The following GRIK4 variants were observed in gnomAD, a reference collection of about 807,000 sequenced individuals.
GRIK4 encodes glutamate ionotropic receptor kainate type subunit 4, also known as glutamate receptor ionotropic, kainate 4.
GRIK4 carries 40 observed loss-of-function variants against 104.9 expected under a neutral mutation model. That is an observed-to-expected ratio of 0.38 (90% CI 0.30 to 0.50). The LOEUF is 0.50. Ranked by LOEUF, GRIK4 falls within the 20% of genes least tolerant of loss-of-function variation. The probability of loss-of-function intolerance (pLI) is 0.93; values close to 1 mark genes in which losing one functional copy is unlikely to be tolerated. For synonymous variants in GRIK4, 485 were observed against 524.9 expected, an observed-to-expected ratio of 0.92 and a Z score of 1.04; for missense variants, 1,047 against 1,308.1, an observed-to-expected ratio of 0.80 and a Z score of 3.08.
rs1942802615 is a variant in GRIK4, at chr11:120,903,774, C to G, written c.1273-1516C>G. On this transcript the variant is annotated intron_variant, in intron 12 of 20. Coordinates refer to ENST00000527524, the MANE Select transcript of GRIK4 (RefSeq NM_014619.5). This position sits in a 1 kb window ranked among gnomAD's most constrained non-coding sequence, Gnocchi z 4.4. Reference sequence around the variant, plus strand: ...CCTGCCGCCTTGCCTCCCTTAGCTCCTAACCTGTCAAAATGCTGAACAGCC... The same window carrying G: ...CCTGCCGCCTTGCCTCCCTTAGCTCGTAACCTGTCAAAATGCTGAACAGCC... Among the ~76,000 whole-genome samples, 1 of 152,148 alleles carries G rather than the reference C, an allele frequency of 6.6e-6. No individual in the cohort carries two copies. Among genetic ancestry groups the G allele is most frequent in the Non-Finnish European group, 1.5e-5 (1 of 68,026 alleles).
chr11:120,552,245 T>C (rs1948147568), intron 1 of GRIK4, among the ~76,000 whole-genome samples: 1 of 152,172 alleles, frequency 6.6e-6, no homozygotes, highest in African/African-American at 2.4e-5. Flanking sequence ...GTGTTGGAGT[T>C]GAATTGGAGG....
chr11:120,661,017 G>T lies in GRIK4; in HGVS notation c.82+617G>T, dbSNP rs2135241659. ...TCAGCATCCCATCCCTGGAGGGGCG[G>T]GTCTGGGAAGTCAGGTGCCTCCTCC... On this transcript the variant is annotated intron_variant, in intron 3 of 20. Coordinates refer to ENST00000527524, the MANE Select transcript of GRIK4 (RefSeq NM_014619.5). Among the ~76,000 whole-genome samples the T allele has an allele frequency of 2.0e-5, 3 of 152,272 alleles. No individual in the cohort carries two copies. In the South Asian group the frequency reaches 6.2e-4, roughly 32 times the overall value.
At chr11:120,971,000 C>G (rs925222909) in intron 19 of GRIK4, among the ~76,000 whole-genome samples, 5 of 152,164 alleles carry the variant, frequency 3.3e-5, no homozygotes, top group African/African-American at 1.2e-4. Context: ...AATAGCATGG[C>G]CACCTCCCAG....
At chr11:120,918,574 G>A (rs187190294) in intron 13 of GRIK4, among the ~76,000 whole-genome samples, 5 of 152,276 alleles carry the variant, frequency 3.3e-5, no homozygotes, top group East Asian at 1.9e-4. Context: ...CTGGGATGGG[G>A]GGGTATCTAC....
intron 1 of GRIK4, among the ~76,000 whole-genome samples, chr11:120,584,769 C>T (rs559243864): frequency 3.9e-5 from 6 of 152,230 alleles, no homozygotes; most frequent in South Asian, 2.1e-4. Flanking sequence ...GTTGTTAACA[C>T]GAAATGATGT....
chr11:120,687,835 A>G (rs1950299038), intron 3 of GRIK4, among the ~76,000 whole-genome samples: 2 of 152,198 alleles, frequency 1.3e-5, no homozygotes, highest in South Asian at 4.1e-4. Context: ...CCTCCCCAGC[A>G]GGTCCTCAAT....
At chr11:120,809,040 T>C (rs1458499902) in intron 4 of GRIK4, among the ~76,000 whole-genome samples, 2 of 152,108 alleles carry the variant, frequency 1.3e-5, no homozygotes, top group African/African-American at 4.8e-5. Flanking sequence ...CAGTGGCACT[T>C]ACCATTAGCT....
chr11:120,705,859 A>C (rs1303392281), intron 3 of GRIK4, among the ~76,000 whole-genome samples: 2 of 152,152 alleles, frequency 1.3e-5, no homozygotes, highest in African/African-American at 4.8e-5. Flanking sequence ...CATTGATCTC[A>C]TATCCCGCAA....
chr11:120,660,006 A>G (rs1949784116), intron 2 of GRIK4, among the ~76,000 whole-genome samples: 1 of 152,236 alleles, frequency 6.6e-6, no homozygotes, highest in Admixed American at 6.5e-5. Flanking sequence ...TGCTGGGATT[A>G]CAGGCGTGAG....
intron 9 of GRIK4, among the ~76,000 whole-genome samples, chr11:120,865,590 C>T (rs1320536387): frequency 1.3e-5 from 2 of 152,206 alleles, no homozygotes; most frequent in East Asian, 3.8e-4. Flanking sequence ...AGTGGAAACG[C>T]AAAGACCTCT....
chr11:120,776,649 C>T (rs1952048704), intron 3 of GRIK4, among the ~76,000 whole-genome samples: 1 of 152,166 alleles, frequency 6.6e-6, no homozygotes, highest in Admixed American at 6.5e-5. Context: ...AGCTGCTTAG[C>T]GAGTGTTTCT....
chr11:120,924,575 C>T (rs1012692553), intron 13 of GRIK4, among the ~76,000 whole-genome samples: 4 of 152,090 alleles, frequency 2.6e-5, no homozygotes, highest in Non-Finnish European at 5.9e-5. Context: ...CCCCCTTGTC[C>T]CCACCCACCT....
At chr11:120,777,540 A>G (rs1952067258) in intron 3 of GRIK4, among the ~76,000 whole-genome samples, 1 of 152,224 alleles carries the variant, frequency 6.6e-6, no homozygotes, top group African/African-American at 2.4e-5. Context: ...GCAGTAAACA[A>G]AACAGACACA....
At chr11:120,843,838 G>C (rs1953785048) in intron 8 of GRIK4, among the ~76,000 whole-genome samples, 1 of 152,184 alleles carries the variant, frequency 6.6e-6, no homozygotes, top group South Asian at 2.1e-4. Context: ...GTTCCCTGGA[G>C]TGAGGGGAGA....
At chr11:120,645,156 T>G (rs1949526345) in intron 1 of GRIK4, among the ~76,000 whole-genome samples, 1 of 151,708 alleles carries the variant, frequency 6.6e-6, no homozygotes, top group South Asian at 2.1e-4. Context: ...TGTATGTGTA[T>G]GTATGGTGGT....
intron 3 of GRIK4, among the ~76,000 whole-genome samples, chr11:120,713,497 G>A (rs943459290): frequency 2.6e-5 from 4 of 152,214 alleles, no homozygotes; most frequent in African/African-American, 9.7e-5. Flanking sequence ...TGTTGTAATT[G>A]GCAAATGCAG....
At chr11:120,862,767 C>T (rs141612115) in intron 9 of GRIK4, among the ~76,000 whole-genome samples, 3 of 152,282 alleles carry the variant, frequency 2.0e-5, no homozygotes, top group East Asian at 3.9e-4. Flanking sequence ...TGTTCTTCTC[C>T]GTGGGGCAGG....
intron 3 of GRIK4, among the ~76,000 whole-genome samples, chr11:120,784,907 C>G (rs1392306466): frequency 1.3e-5 from 2 of 152,182 alleles, no homozygotes; most frequent in African/African-American, 2.4e-5. Flanking sequence ...CCACTGGTGC[C>G]TGGCGTGAGG....
intron 13 of GRIK4, among the ~76,000 whole-genome samples, chr11:120,920,626 C>G (rs907794859): frequency 2.6e-5 from 4 of 151,552 alleles, no homozygotes; most frequent in African/African-American, 7.2e-5. Flanking sequence ...CTCACATATT[C>G]CCCCCAGGAG....
Sources: allele counts gnomAD v4.1 joint callset (sites outside exome capture counted in the v4.1 genomes callset), GRCh38; gene constraint gnomAD v4.1.1; non-coding constraint Gnocchi (gnomAD v3.1); transcripts MANE v1.5; gene names NCBI Gene and HGNC (gene_info 2026-07-23, HGNC 2026-07-21).